Variants in MOCS1 observed in about 807,000 individuals in gnomAD.
MOCS1 encodes molybdenum cofactor biosynthesis protein 1.
Under a neutral mutation model 57.6 loss-of-function variants are expected in MOCS1, and 39 were observed. That is an observed-to-expected ratio of 0.68 (90% CI 0.52 to 0.88). MOCS1 has a LOEUF of 0.88. Among genes scored for constraint, MOCS1 ranks in the 40% least tolerant of loss-of-function variants. MOCS1 has a pLI of 0.00. For missense variants in MOCS1, 795 were observed against 831.1 expected, an observed-to-expected ratio of 0.96 and a Z score of 0.53; for synonymous variants, 334 against 335.7, an observed-to-expected ratio of 1.00 and a Z score of 0.05.
chr6:39,909,596 G>T (rs942909997), intron 9 of MOCS1, among the ~76,000 whole-genome samples: 7 of 152,060 alleles, frequency 4.6e-5, no homozygotes, highest in Non-Finnish European at 1.0e-4. Context: ...CAGCCCAAGA[G>T]AATCTGGGGT....
chr6:39,925,328 C>T (rs758977361), intron 3 of MOCS1, among the ~76,000 whole-genome samples: 4 of 152,002 alleles, frequency 2.6e-5, no homozygotes, highest in Non-Finnish European at 5.9e-5. Context: ...TGTCAAGGCC[C>T]GGTCATGTGA....
At chr6:39,923,204 G>C (rs964213012) in intron 3 of MOCS1, among the ~76,000 whole-genome samples, 2 of 152,162 alleles carry the variant, frequency 1.3e-5, no homozygotes, top group African/African-American at 2.4e-5. Flanking sequence ...TCCATGTGGC[G>C]ATCACCCCTT....
At chr6:39,908,469 T>G (rs1767092107) in intron 10 of MOCS1, among the ~76,000 whole-genome samples, 1 of 152,104 alleles carries the variant, frequency 6.6e-6, no homozygotes, top group Admixed American at 6.5e-5. Flanking sequence ...GTTTGAAGCA[T>G]CCTACACACA....
chr6:39,912,503 C>A (rs1398225089), intron 7 of MOCS1, 129 bp from the exon 8 acceptor site: 3 of 731,884 alleles, frequency 4.1e-6, no homozygotes, highest in East Asian at 2.6e-5. Context: ...GAAGCTCCAC[C>A]CAAGGCCCTC....
At position 39,912,516 on chromosome 6, in the gene MOCS1, G is replaced by A. The variant is rs1767395170; in HGVS notation, c.871-142C>T. On this transcript the variant is annotated intron_variant, in intron 7 of 10. Transcript: ENST00000340692. The stretch of plus-strand genomic sequence containing the variant: ...GTGAAGCTCCACCCAAGGCCCTCAG[G>A]TGATAGAAGACTCTGGTAGGATGGA... The A allele has an allele frequency of 2.7e-5, 19 of 701,120 alleles. No homozygotes were observed. The Admixed American group carries it at 3.1e-4, about 12-fold the overall frequency. 43.4% of individuals were successfully genotyped at this position (701,120 alleles called of 1,614,324 possible).
In MOCS1 at chr6:39,930,054, T is replaced by C. The variant is rs1354107303; in HGVS notation, c.124-2599A>G. ...TGACCTTGTCTAGACTTATGCAGACTGCACCACCCGTTCTGAACCCAGCCT... is the reference window on the plus strand; with the variant it reads ...TGACCTTGTCTAGACTTATGCAGACCGCACCACCCGTTCTGAACCCAGCCT... On this transcript the variant is annotated intron_variant, in intron 1 of 10. Coordinates refer to ENST00000340692, the MANE Select transcript of MOCS1 (RefSeq NM_001358530.2). 2.0e-5 allele frequency among the ~76,000 whole-genome samples: 3 copies of C among 151,900 alleles called. No individual in the cohort carries two copies. In the East Asian group the frequency reaches 5.8e-4, roughly 29 times the overall value.
intron 3 of MOCS1, among the ~76,000 whole-genome samples, chr6:39,917,285 A>T (rs1463494530): frequency 1.3e-5 from 2 of 152,212 alleles, no homozygotes; most frequent in Non-Finnish European, 2.9e-5. Flanking sequence ...ATGTTGAGCA[A>T]AACAGGAAAA....
rs1253589181 is a variant in MOCS1 at position 39,905,195 on chromosome 6, T to A, written c.*1162A>T. The A allele has an allele frequency of 2.2e-6, 1 of 454,296 alleles. No individual in the cohort carries two copies. Among genetic ancestry groups the A allele is most frequent in the African/African-American group, 2.0e-5 (1 of 50,126 alleles). The allele number at this position is 454,296 out of a possible 1,614,324, so 28.1% of individuals were successfully genotyped here. On this transcript the variant is annotated 3_prime_UTR_variant, in exon 11 of 11. Coordinates refer to ENST00000340692, the MANE Select transcript of MOCS1 (RefSeq NM_001358530.2). The stretch of plus-strand genomic sequence containing the variant: ...AGGCCAGAACTGTGTGTGTTTGGGA[T>A]GTGAGAACCAGGAGCCTCTAATTAA...
intron 6 of MOCS1, 70 bp downstream of exon 6, chr6:39,913,247 G>A: frequency 7.4e-7 from 1 of 1,359,934 alleles, no homozygotes; most frequent in Non-Finnish European, 1.1e-6. Context: ...TACCCAGTGG[G>A]TGAGCCACAC....
At chr6:39,920,524 A>G (rs1767905358) in intron 3 of MOCS1, among the ~76,000 whole-genome samples, 1 of 152,254 alleles carries the variant, frequency 6.6e-6, no homozygotes, top group Non-Finnish European at 1.5e-5. Context: ...AGGAGAAAAT[A>G]GGGTACATTC....
chr6:39,905,217 T>C lies in MOCS1; in HGVS notation c.*1140A>G, dbSNP rs1180632403. On this transcript the variant is annotated 3_prime_UTR_variant, in exon 11 of 11. Transcript: ENST00000340692. Reference sequence around the variant, plus strand: ...GGATGTGAGAACCAGGAGCCTCTAATTAATTGCCCTCTCTGATCTCTCTAA... The same window carrying C: ...GGATGTGAGAACCAGGAGCCTCTAACTAATTGCCCTCTCTGATCTCTCTAA... 1 of 454,068 alleles carries C rather than the reference T, an allele frequency of 2.2e-6. No individual in the cohort carries two copies. Among genetic ancestry groups the C allele is most frequent in the Non-Finnish European group, 4.4e-6 (1 of 226,940 alleles). 28.1% of individuals were successfully genotyped at this position (454,068 alleles called of 1,614,324 possible). A position where few individuals can be genotyped will look rare whatever the true frequency, so the allele number is the denominator to read the frequency against.
At chr6:39,910,682 G>A (rs1482770593) in intron 8 of MOCS1, among the ~76,000 whole-genome samples, 1 of 152,186 alleles carries the variant, frequency 6.6e-6, no homozygotes, top group African/African-American at 2.4e-5. Context: ...GACCACTGGA[G>A]AAGATACCAG....
At chr6:39,926,338 CTCTA>C (rs796182293) in intron 2 of MOCS1, among the ~76,000 whole-genome samples, 12 of 152,264 alleles carry the variant, frequency 7.9e-5, no homozygotes, top group African/African-American at 2.9e-4. Flanking sequence ...CTCAAATCCA[CTCTA>C]TCTATTTCAG....
chr6:39,913,623 G>T, intron 5 of MOCS1, 151 bp downstream of exon 5: 1 of 1,035,702 alleles, frequency 9.7e-7, no homozygotes, highest in South Asian at 1.3e-5. Context: ...GGCAGGGCTG[G>T]ACCAGCAGGG....
In MOCS1 at chr6:39,913,369, C is replaced by T; in HGVS notation, c.705G>A (p.Leu235=). The change falls in exon 6 of 11, where the codon TTG becomes TTA. Residue 235 remains leucine (L), a synonymous_variant. Transcript: ENST00000340692. ...NEDELLDFAA[L]TEGLPLDVRF... ...GCACATCCAGGGGGAGGCCCTCAGTCAAGGCCGCAAAGTCCAGGAGTTCAT... is the reference window on the plus strand; with the variant it reads ...GCACATCCAGGGGGAGGCCCTCAGTTAAGGCCGCAAAGTCCAGGAGTTCAT... 1 of 1,614,208 alleles carries T rather than the reference C, an allele frequency of 6.2e-7. No individual in the cohort carries two copies. The highest frequency in any genetic ancestry group is 2.2e-5 in the East Asian group (1 of 44,876).
Position 39,927,405 on chromosome 6 carries a change from G to A in MOCS1, c.174C>T (p.Ser58=), listed in dbSNP as rs776528157. The A allele has an allele frequency of 2.7e-5, 43 of 1,612,670 alleles. No individual in the cohort carries two copies. Among genetic ancestry groups the A allele is most frequent in the South Asian group, 1.8e-4 (16 of 91,054 alleles). The change falls in exon 2 of 11, where the codon TCC becomes TCT. Residue 58 remains serine (S), a synonymous_variant. Transcript: ENST00000340692. ...QFLREHAAPF[S]AFLTDSFGRQ... is the part of the protein sequence containing the mutation. ...GGCCGAAGCTGTCTGTGAGGAAGGC[G>A]GAGAAGGGGGCCGCATGCTCCCGCA...
intron 3 of MOCS1, among the ~76,000 whole-genome samples, chr6:39,922,630 G>A (rs943087501): frequency 3.9e-5 from 6 of 152,158 alleles, no homozygotes; most frequent in Non-Finnish European, 2.9e-5. Context: ...GTCTGCACAC[G>A]AAGCAGGGTG....
At chr6:39,920,715 A>C (rs1209624364) in intron 3 of MOCS1, among the ~76,000 whole-genome samples, 2 of 152,214 alleles carry the variant, frequency 1.3e-5, no homozygotes, top group Non-Finnish European at 2.9e-5. Context: ...GTGGTGGCTC[A>C]TGCCTGTAAT....
chr6:39,904,282 CTATT>C lies in MOCS1; in HGVS notation c.*2071_*2074del, dbSNP rs1766660656. 1 of 456,618 alleles carries C rather than the reference CTATT, an allele frequency of 2.2e-6. No homozygotes were observed. The highest frequency in any genetic ancestry group is 2.0e-5 in the African/African-American group (1 of 50,086). The allele number at this position is 456,618 out of a possible 1,614,324, so 28.3% of individuals were successfully genotyped here. On this transcript the variant is annotated 3_prime_UTR_variant, in exon 11 of 11. Transcript: ENST00000340692. Reference sequence around the variant, plus strand: ...CTCACTCTAAAAGAAAGATATTTTTCTATTTATTTTCTACATCTGGCCAGTGGCT... The same window carrying C: ...CTCACTCTAAAAGAAAGATATTTTTCTATTTTCTACATCTGGCCAGTGGCT...
Sources: allele counts gnomAD v4.1 joint callset (sites outside exome capture counted in the v4.1 genomes callset), GRCh38; gene constraint gnomAD v4.1.1; transcripts MANE v1.5; gene names NCBI Gene and HGNC (gene_info 2026-07-23, HGNC 2026-07-21).